NALF1: variants seen among roughly 807,000 people sequenced by gnomAD.
The protein encoded by NALF1 is family with sequence similarity 155 member A.
A neutral mutation model predicts 48.4 loss-of-function variants in NALF1; 3 were observed. The ratio of observed to expected loss-of-function variants is 0.06; its 90% CI spans 0.03 to 0.16. The LOEUF is 0.16. Ranked by LOEUF, NALF1 falls within the 10% of genes least tolerant of loss-of-function variation. NALF1 has a pLI of 1.00. For synonymous variants in NALF1, 262 were observed against 245.7 expected, an observed-to-expected ratio of 1.07 and a Z score of -0.62; for missense variants, 526 against 571.5, an observed-to-expected ratio of 0.92 and a Z score of 0.81.
chr13:107,282,110 G>A (rs777310737), intron 1 of NALF1, among the ~76,000 whole-genome samples: 4 of 152,162 alleles, frequency 2.6e-5, no homozygotes, highest in East Asian at 1.9e-4. Context: ...AGGAAGCAGC[G>A]AAGGACATAC....
intron 1 of NALF1, among the ~76,000 whole-genome samples, chr13:107,841,146 TA>T (rs1880033332): frequency 6.6e-6 from 1 of 152,232 alleles, no homozygotes; most frequent in Admixed American, 6.5e-5. Context: ...ATATACAAGA[TA>T]TTTTTTAAAA....
chr13:107,826,440 A>C (rs1566497295), intron 1 of NALF1, among the ~76,000 whole-genome samples: 1 of 152,148 alleles, frequency 6.6e-6, no homozygotes, highest in Non-Finnish European at 1.5e-5. Context: ...TGCATGCTTA[A>C]AACAGAAGAG....
At chr13:107,549,742 G>T (rs558793) in intron 1 of NALF1, among the ~76,000 whole-genome samples, 84,789 of 151,828 alleles carry the variant, frequency 0.56, 23,782 homozygotes, top group East Asian at 0.64. Flanking sequence ...CATACTACAA[G>T]GATCAAAATC....
intron 1 of NALF1, among the ~76,000 whole-genome samples, chr13:107,296,821 C>A (rs760230227): frequency 6.6e-6 from 1 of 151,700 alleles, no homozygotes; most frequent in Non-Finnish European, 1.5e-5. Flanking sequence ...GATAAAAACA[C>A]GATGGTATGA....
At chr13:107,436,430 A>T (rs56136417) in intron 1 of NALF1, among the ~76,000 whole-genome samples, 2,990 of 152,314 alleles carry the variant, frequency 0.02, 107 homozygotes, top group African/African-American at 0.069. Flanking sequence ...CATTCACAGT[A>T]TTAGCACAAA....
At chr13:107,836,456 T>C (rs1344272458) in intron 1 of NALF1, among the ~76,000 whole-genome samples, 1 of 152,182 alleles carries the variant, frequency 6.6e-6, no homozygotes, top group Non-Finnish European at 1.5e-5. Flanking sequence ...TCTGTAGGTA[T>C]TATTTTGCTA....
At chr13:107,622,571 G>A (rs750265869) in intron 1 of NALF1, among the ~76,000 whole-genome samples, 7 of 151,972 alleles carry the variant, frequency 4.6e-5, no homozygotes, top group Non-Finnish European at 7.4e-5. Flanking sequence ...TAACAGAGAG[G>A]TAAGCTACTG....
rs373173685 is a variant in NALF1, at chr13:107,449,002, G to A, written c.916-238247C>T. Among the ~76,000 whole-genome samples, 36 of 152,300 alleles carry A rather than the reference G, an allele frequency of 2.4e-4. No homozygotes were observed. In the East Asian group the frequency reaches 3.1e-3, roughly 13 times the overall value. ...CTCATGTCTGTAATCCCAGCACTTT[G>A]GGAGGCCGAGGCGGGCGGATCAAAT... On this transcript the variant is annotated intron_variant, in intron 1 of 2. Coordinates refer to ENST00000375915, the MANE Select transcript of NALF1 (RefSeq NM_001080396.3).
chr13:107,650,784 A>C (rs1880433486), intron 1 of NALF1, among the ~76,000 whole-genome samples: 1 of 152,170 alleles, frequency 6.6e-6, no homozygotes, highest in South Asian at 2.1e-4. Flanking sequence ...ATATGAATGG[A>C]GCTGGAGACT....
chr13:107,586,145 C>G (rs562440008), intron 1 of NALF1, among the ~76,000 whole-genome samples: 110 of 152,010 alleles, frequency 7.2e-4, no homozygotes, highest in Non-Finnish European at 1.4e-3. Flanking sequence ...GCCCAGGTAC[C>G]TCATAGAATT....
chr13:107,564,154 G>A (rs1238534302), intron 1 of NALF1, among the ~76,000 whole-genome samples: 2 of 152,154 alleles, frequency 1.3e-5, no homozygotes, highest in African/African-American at 4.8e-5. Context: ...GATGGAGTCT[G>A]GGGTAATGAG....
rs541396750 is a variant in NALF1, at chr13:107,487,916, TTGG to T, written c.916-277164_916-277162del. 4.9e-4 allele frequency among the ~76,000 whole-genome samples: 75 copies of T among 152,178 alleles called. No homozygotes were observed. The South Asian group carries it at 0.014, about 29-fold the overall frequency. On this transcript the variant is annotated intron_variant, in intron 1 of 2. Transcript: ENST00000375915. ...GAATTTGTCTGGTCCTGGGCTTTTC[TTGG>T]TGGTAGGCTATCACTGCCTCAATTT...
At chr13:107,336,606 A>G (rs1012719726) in intron 1 of NALF1, among the ~76,000 whole-genome samples, 19 of 151,918 alleles carry the variant, frequency 1.3e-4, no homozygotes, top group Non-Finnish European at 2.1e-4. Flanking sequence ...AAACTCACAC[A>G]CTCTCAACCA....
At chr13:107,781,188 A>AT (rs1311240470) in intron 1 of NALF1, among the ~76,000 whole-genome samples, 1 of 152,138 alleles carries the variant, frequency 6.6e-6, no homozygotes, top group Non-Finnish European at 1.5e-5. Flanking sequence ...GAAAAATTTC[A>AT]TTTTGTTTCT....
intron 1 of NALF1, among the ~76,000 whole-genome samples, chr13:107,404,597 T>C (rs78665896): frequency 0.015 from 2,338 of 152,190 alleles, 27 homozygotes; most frequent in South Asian, 0.033. Flanking sequence ...AAATTTGGTA[T>C]TGAACAATAC....
At chr13:107,606,929 A>G (rs948058055) in intron 1 of NALF1, among the ~76,000 whole-genome samples, 2 of 152,170 alleles carry the variant, frequency 1.3e-5, no homozygotes, top group Admixed American at 1.3e-4. Flanking sequence ...CATTGCTAAC[A>G]TTATCAAAGG....
chr13:107,780,047 T>C (rs900056415), intron 1 of NALF1, among the ~76,000 whole-genome samples: 3 of 144,772 alleles, frequency 2.1e-5, no homozygotes, highest in Non-Finnish European at 4.6e-5. Context: ...TTTTTTTTTT[T>C]CTGAATGTAC....
At chr13:107,443,169 AATCTATCTATCT>A (rs10564280) in intron 1 of NALF1, among the ~76,000 whole-genome samples, 2,203 of 128,396 alleles carry the variant, frequency 0.017, 55 homozygotes, top group African/African-American at 0.05. Flanking sequence ...TTTATCTAAC[AATCTATCTATCT>A]ATCTATCTAT....
intron 1 of NALF1, among the ~76,000 whole-genome samples, chr13:107,212,897 A>C (rs1036235146): frequency 3.3e-5 from 5 of 152,136 alleles, no homozygotes; most frequent in African/African-American, 1.2e-4. Context: ...TTCTTTAAGG[A>C]GTGCCCTATG....
Sources: gnomAD v4.1 joint callset for allele counts (sites outside exome capture counted in the v4.1 genomes callset) on GRCh38, gnomAD v4.1.1 for gene constraint, MANE v1.5 for transcripts, NCBI Gene and HGNC (gene_info 2026-07-23, HGNC 2026-07-21) for gene names.